The following HELZ variants were observed in gnomAD, a reference collection of about 807,000 sequenced individuals.
HELZ encodes the protein ATP-dependent RNA helicase with zinc finger domain.
In HELZ, 23 loss-of-function variants were observed where a neutral mutation model predicts 218.2. That is an observed-to-expected ratio of 0.11 (90% CI 0.08 to 0.15). HELZ has a LOEUF of 0.15. Ranked by LOEUF, HELZ falls within the 10% of genes least tolerant of loss-of-function variation. The pLI is 1.00. For synonymous variants in HELZ, 814 were observed against 829.4 expected (o/e 0.98, Z 0.32); for missense variants, 1,813 against 2,353.7 (o/e 0.77, Z 4.75).
At chr17:67,131,200 T>C (rs927560228) in intron 23 of HELZ, among the ~76,000 whole-genome samples, 1 of 152,226 alleles carries the variant, frequency 6.6e-6, no homozygotes, top group Non-Finnish European at 1.5e-5. Context: ...TAGCTCAATT[T>C]TTAATATCAA....
rs760131176 is a variant in HELZ, at chr17:67,160,965, G to C, written c.2007C>G (p.Pro669=). The C allele has an allele frequency of 1.1e-5, 17 of 1,613,608 alleles. No individual in the cohort carries two copies. The South Asian group carries it at 1.9e-4, about 18-fold the overall frequency. Residue 669 remains proline, a synonymous_variant, in exon 16 of 33, where the codon CCC becomes CCG. Coordinates refer to ENST00000358691, the MANE Select transcript of HELZ (RefSeq NM_014877.4). ...IQLPPVLIIG[P]YGTGKTFTLA... is the part of the protein sequence containing the mutation. ...GAGTGAACGTTTTGCCTGTCCCATA[G>C]GGTCCGATGATAAGCACAGGCGGCA...
At chr17:67,207,807 G>A (rs1270718144) in intron 5 of HELZ, among the ~76,000 whole-genome samples, 1 of 152,028 alleles carries the variant, frequency 6.6e-6, no homozygotes, top group Non-Finnish European at 1.5e-5. Flanking sequence ...CCAGGAGTTC[G>A]AGACCAGCCT....
At chr17:67,242,283 C>T (rs2041333594) in intron 2 of HELZ, among the ~76,000 whole-genome samples, 1 of 151,928 alleles carries the variant, frequency 6.6e-6, no homozygotes, top group African/African-American at 2.4e-5. Context: ...GGTGTGGTGG[C>T]GTAAGCCTGT....
At position 67,108,312 on chromosome 17, in the gene HELZ, C is replaced by A; in HGVS notation, c.4724+180G>T. On this transcript the variant is annotated intron_variant, in intron 30 of 32. Transcript: ENST00000358691. The surrounding 1 kb of genome is among the most constrained non-coding windows in gnomAD (Gnocchi z 4.1). ...CATGCCTAAATTTGTAGAAGAGTTACTTCTAAATGAGTTTTCTGTATTTTA... is the reference window on the plus strand; with the variant it reads ...CATGCCTAAATTTGTAGAAGAGTTAATTCTAAATGAGTTTTCTGTATTTTA... 1 of 573,004 alleles carries A rather than the reference C, an allele frequency of 1.7e-6. No individual in the cohort carries two copies. Among genetic ancestry groups the A allele is most frequent in the Non-Finnish European group, 3.1e-6 (1 of 321,656 alleles). The allele number at this position is 573,004 out of a possible 1,614,324, so 35.5% of individuals were successfully genotyped here.
chr17:67,123,044 G>T lies in HELZ; in HGVS notation c.3556C>A (p.Pro1186Thr), dbSNP rs2037665698. ...KSPSPVQRID[P>T]HTGTSILYVP... ...TAAAGAATACTTGTCCCAGTGTGAG[G>T]ATCTATTCTTTGAACAGGGCTTGGA... Residue 1186 changes from proline to threonine, a missense_variant, in exon 26 of 33, where the codon CCT becomes ACT. Transcript: ENST00000358691. 1.2e-6 allele frequency: 2 copies of T among 1,613,274 alleles called. No homozygotes were observed. Among genetic ancestry groups the T allele is most frequent in the South Asian group, 1.1e-5 (1 of 91,054 alleles).
chr17:67,225,990 G>A (rs916446446), intron 3 of HELZ, among the ~76,000 whole-genome samples: 1 of 152,084 alleles, frequency 6.6e-6, no homozygotes, highest in East Asian at 1.9e-4. Flanking sequence ...TGACGGGCGT[G>A]GTGGCTCACA....
At chr17:67,205,681 G>A (rs1370374310) in intron 5 of HELZ, among the ~76,000 whole-genome samples, 4 of 152,168 alleles carry the variant, frequency 2.6e-5, no homozygotes, top group African/African-American at 4.8e-5. Flanking sequence ...ATATGATGAT[G>A]TCATACTTAA....
In HELZ at chr17:67,188,247, C is replaced by T; in HGVS notation, c.1162+72G>A. The T allele has an allele frequency of 2.2e-6, 3 of 1,355,480 alleles. No individual in the cohort carries two copies. Among genetic ancestry groups the T allele is most frequent in the Non-Finnish European group, 3.1e-6 (3 of 982,004 alleles). 84.0% of individuals were successfully genotyped at this position (1,355,480 alleles called of 1,614,324 possible). On this transcript the variant is annotated intron_variant, in intron 12 of 32. Transcript: ENST00000358691. The surrounding 1 kb of genome is among the most constrained non-coding windows in gnomAD (Gnocchi z 4.1). ...TCTCTTCCTATCCATGGAATATATT[C>T]AGGGGCCAATACATATCTTTGAATG...
chr17:67,161,106 C>A (rs776803619), intron 15 of HELZ, 30 bp from the exon 16 acceptor site: 1 of 1,513,964 alleles, frequency 6.6e-7, no homozygotes, highest in Non-Finnish European at 9.0e-7. Context: ...ATGTTAAACA[C>A]ATGCATCTCG....
At chr17:67,218,876 A>T (rs2040674508) in intron 3 of HELZ, 54 bp from the exon 4 acceptor site, 5 of 1,290,474 alleles carry the variant, frequency 3.9e-6, no homozygotes, top group Non-Finnish European at 5.5e-6. Flanking sequence ...TTAATTATAA[A>T]TTCTAGCCCC....
chr17:67,183,023 G>A (rs1046095096), intron 12 of HELZ, among the ~76,000 whole-genome samples: 6 of 152,136 alleles, frequency 3.9e-5, no homozygotes, highest in African/African-American at 1.4e-4. Flanking sequence ...TGTTAAATAT[G>A]GAATTTATTA....
chr17:67,227,874 A>G (rs1397990340), intron 3 of HELZ, among the ~76,000 whole-genome samples: 1 of 152,226 alleles, frequency 6.6e-6, no homozygotes, highest in Non-Finnish European at 1.5e-5. Flanking sequence ...TTGTTAATGT[A>G]GTTATGGTCT....
At chr17:67,216,449 T>C (rs2040602847) in intron 4 of HELZ, among the ~76,000 whole-genome samples, 1 of 152,216 alleles carries the variant, frequency 6.6e-6, no homozygotes, top group South Asian at 2.1e-4. Flanking sequence ...GATTGGTTCA[T>C]TTCTATACAG....
At chr17:67,191,356 A>AT (rs2039890271) in intron 9 of HELZ, among the ~76,000 whole-genome samples, 1 of 152,232 alleles carries the variant, frequency 6.6e-6, no homozygotes, top group African/African-American at 2.4e-5. Context: ...ATAAATGTTC[A>AT]TTTTAAAGGA....
Position 67,145,723 on chromosome 17 carries a change from T to G in HELZ, c.2769+20A>C. On this transcript the variant is annotated intron_variant, in intron 21 of 32. Transcript: ENST00000358691. ...TGTGACTGAGAAAATGTTAACAATT[T>G]ACAAAAAGAATTAAGGTACCTCTGC... 1 of 1,576,190 alleles carries G rather than the reference T, an allele frequency of 6.3e-7. No homozygotes were observed. Among genetic ancestry groups the G allele is most frequent in the Non-Finnish European group, 8.7e-7 (1 of 1,154,238 alleles).
In HELZ at chr17:67,070,455, G is replaced by A. The variant is rs947193897; in HGVS notation, c.*7797C>T. 2.0e-5 allele frequency: 3 copies of A among 152,250 alleles called. No individual in the cohort carries two copies. Among genetic ancestry groups the A allele is most frequent in the Non-Finnish European group, 4.4e-5 (3 of 68,016 alleles). 9.4% of individuals were successfully genotyped at this position (152,250 alleles called of 1,614,324 possible). A position where few individuals can be genotyped will look rare whatever the true frequency, so the allele number is the denominator to read the frequency against. On this transcript the variant is annotated 3_prime_UTR_variant, in exon 33 of 33. Coordinates refer to ENST00000358691, the MANE Select transcript of HELZ (RefSeq NM_014877.4). ...AACACATCTCCAAATTATTAAAAAG[G>A]CATTTTATTATAAATACATTTTAGT...
chr17:67,096,346 C>T (rs1191845611), intron 31 of HELZ, among the ~76,000 whole-genome samples: 2 of 152,208 alleles, frequency 1.3e-5, no homozygotes, highest in Non-Finnish European at 1.5e-5. Context: ...AGTTCACCAG[C>T]TGCATTAGTT....
chr17:67,098,342 G>A (rs2036813563), intron 31 of HELZ, among the ~76,000 whole-genome samples: 1 of 152,162 alleles, frequency 6.6e-6, no homozygotes, highest in African/African-American at 2.4e-5. Context: ...GGAGTTAAAT[G>A]ATCTTTAAGG....
intron 32 of HELZ, among the ~76,000 whole-genome samples, 180 bp downstream of exon 32, chr17:67,086,649 T>TATAA (rs1430127368): frequency 7.4e-6 from 1 of 135,500 alleles, no homozygotes; most frequent in African/African-American, 2.8e-5. Context: ...TATATATATA[T>TATAA]ATATATATAT....
Sources: gnomAD v4.1 joint callset for allele counts (sites outside exome capture counted in the v4.1 genomes callset) on GRCh38, gnomAD v4.1.1 for gene constraint, Gnocchi (gnomAD v3.1) non-coding constraint, MANE v1.5 for transcripts, NCBI Gene and HGNC (gene_info 2026-07-23, HGNC 2026-07-21) for gene names.